ATOSA: variants seen among roughly 807,000 people sequenced by gnomAD.
ATOSA encodes the protein atos homolog A, also known as atos homolog protein A.
the ATOSA span, among the ~76,000 whole-genome samples, chr15:52,640,077 T>C: frequency 1.3e-5 from 2 of 151,966 alleles, no homozygotes; most frequent in Admixed American, 6.6e-5. Flanking sequence ...TTTTTCCTAT[T>C]TAATCTTCAT....
the ATOSA span, among the ~76,000 whole-genome samples, chr15:52,606,677 C>T: frequency 9.9e-5 from 15 of 152,080 alleles, no homozygotes; most frequent in African/African-American, 3.6e-4. Context: ...TCATAAGAAC[C>T]GAACATTCTT....
chr15:52,687,667 A>G, the ATOSA span, among the ~76,000 whole-genome samples: 1 of 152,228 alleles, frequency 6.6e-6, no homozygotes, highest in Non-Finnish European at 1.5e-5. Context: ...TCAAGATGCC[A>G]TTTTGGAAGG....
At chr15:52,608,286 T>G in the ATOSA span, among the ~76,000 whole-genome samples, 3 of 152,184 alleles carry the variant, frequency 2.0e-5, no homozygotes, top group Non-Finnish European at 4.4e-5. Flanking sequence ...TAACATGTCA[T>G]GAAAACAATT....
chr15:52,669,643 A>G, the ATOSA span, among the ~76,000 whole-genome samples: 1 of 152,252 alleles, frequency 6.6e-6, no homozygotes, highest in African/African-American at 2.4e-5. Flanking sequence ...AAACCAAAAT[A>G]TGAAAACTTT....
At chr15:52,582,097 C>T in the ATOSA span, 2 of 1,401,836 alleles carry the variant, frequency 1.4e-6, no homozygotes, top group African/African-American at 1.5e-5. Flanking sequence ...CCATTCTATG[C>T]TAATTTTTAC....
the ATOSA span, among the ~76,000 whole-genome samples, chr15:52,644,178 C>T: frequency 6.6e-6 from 1 of 151,942 alleles, no homozygotes; most frequent in Non-Finnish European, 1.5e-5. Context: ...CAACCTCGGC[C>T]TCCCAAAGTG....
chr15:52,640,991 T>C, the ATOSA span, among the ~76,000 whole-genome samples: 40 of 152,306 alleles, frequency 2.6e-4, no homozygotes, highest in Non-Finnish European at 5.3e-4. Context: ...GAGATACCTG[T>C]ACTCCCACGT....
chr15:52,593,893 T>C, the ATOSA span, among the ~76,000 whole-genome samples: 1 of 152,256 alleles, frequency 6.6e-6, no homozygotes, highest in Non-Finnish European at 1.5e-5. Flanking sequence ...TTGTTACCAT[T>C]GCCATGTCCT....
chr15:52,682,495 G>A, the ATOSA span, among the ~76,000 whole-genome samples: 1 of 152,132 alleles, frequency 6.6e-6, no homozygotes, highest in African/African-American at 2.4e-5. Context: ...GTTCTGAATG[G>A]TTACTCAAAC....
the ATOSA span, among the ~76,000 whole-genome samples, chr15:52,623,086 G>A: frequency 6.6e-6 from 1 of 152,060 alleles, no homozygotes; most frequent in East Asian, 1.9e-4. Context: ...TTGAGCCCAG[G>A]AGTTCAAGGT....
At chr15:52,613,318 A>G in the ATOSA span, among the ~76,000 whole-genome samples, 2 of 152,356 alleles carry the variant, frequency 1.3e-5, no homozygotes, top group East Asian at 3.9e-4. Flanking sequence ...GTGAGCCAAG[A>G]TCGCGCCACT....
At chr15:52,651,422 A>G in the ATOSA span, among the ~76,000 whole-genome samples, 1 of 152,230 alleles carries the variant, frequency 6.6e-6, no homozygotes, top group African/African-American at 2.4e-5. Context: ...AAATTCTGAC[A>G]ATCTTTGTCA....
At chr15:52,594,280 A>G in the ATOSA span, among the ~76,000 whole-genome samples, 4 of 152,186 alleles carry the variant, frequency 2.6e-5, no homozygotes, top group African/African-American at 2.4e-5. Flanking sequence ...AAACATAAAA[A>G]TGTGCATTTA....
the ATOSA span, among the ~76,000 whole-genome samples, chr15:52,626,199 G>A: frequency 1.8e-4 from 28 of 152,260 alleles, no homozygotes; most frequent in African/African-American, 6.5e-4. Context: ...GTAAGTGGAG[G>A]ATCATCTTGA....
chr15:52,583,264 T>C, the ATOSA span, among the ~76,000 whole-genome samples: 2 of 152,246 alleles, frequency 1.3e-5, no homozygotes, highest in Non-Finnish European at 2.9e-5. Context: ...CAGTATTGGT[T>C]TTGGTTACAA....
At chr15:52,606,502 C>CA in the ATOSA span, among the ~76,000 whole-genome samples, 1 of 152,076 alleles carries the variant, frequency 6.6e-6, no homozygotes, top group Non-Finnish European at 1.5e-5. Flanking sequence ...ACCTTCATAT[C>CA]AAAGTGAGAG....
chr15:52,587,131 G>A, the ATOSA span: 1 of 1,612,672 alleles, frequency 6.2e-7, no homozygotes, highest in Non-Finnish European at 8.5e-7. Context: ...TATTGCAATT[G>A]TAGGCTATAA....
the ATOSA span, among the ~76,000 whole-genome samples, chr15:52,690,432 G>A: frequency 2.0e-5 from 3 of 152,142 alleles, no homozygotes; most frequent in African/African-American, 4.8e-5. Context: ...CATGGTTTCC[G>A]AATATATTAC....
the ATOSA span, among the ~76,000 whole-genome samples, chr15:52,632,089 T>C: frequency 1.3e-5 from 2 of 152,150 alleles, no homozygotes; most frequent in Non-Finnish European, 2.9e-5. Flanking sequence ...TTTTCCTTCA[T>C]TATAGGAAGG....
Sources: allele counts gnomAD v4.1 joint callset (sites outside exome capture counted in the v4.1 genomes callset), GRCh38; gene constraint gnomAD v4.1.1; transcripts MANE v1.5; gene names NCBI Gene and HGNC (gene_info 2026-07-23, HGNC 2026-07-21).